Variants in MYBPC2 observed in about 807,000 individuals in gnomAD.
MYBPC2 encodes the protein myosin binding protein C2, also known as myosin-binding protein C, fast-type.
A neutral mutation model predicts 137.0 loss-of-function variants in MYBPC2; 122 were observed. The observed-to-expected ratio is 0.89, with a 90% CI of 0.77 to 1.03. MYBPC2 has a LOEUF of 1.03. MYBPC2 is among the 50% of genes least tolerant of loss of function. The pLI is 0.00. For synonymous variants in MYBPC2, 626 were observed against 612.3 expected (o/e 1.02, Z -0.33); for missense variants, 1,500 against 1,534.4 (o/e 0.98, Z 0.37).
rs545505488 is a variant in MYBPC2, at chr19:50,460,093, G to A, written c.2845G>A (p.Ala949Thr). The A allele has an allele frequency of 6.1e-5, 96 of 1,576,558 alleles. No individual in the cohort carries two copies. Among genetic ancestry groups the A allele is most frequent in the Non-Finnish European group, 7.1e-5 (83 of 1,161,514 alleles). ...VMVKEVWGTN[A>T]LVEWQAPKDD... ...GGTGAAGGAGGTGTGGGGCACGAAC[G>A]CGCTGGTGGAGTGGCAGGCCCCCAA... The change falls in exon 24 of 28, where the codon GCG (alanine) becomes ACG (threonine). Residue 949 changes from alanine (A) to threonine (T), a missense_variant. By Grantham distance (58) the Ala-to-Thr change is moderately conservative. Transcript: ENST00000357701.
chr19:50,459,426 T>TAA lies in MYBPC2; in HGVS notation c.2791+120_2791+121insAA. The TAA allele has an allele frequency of 3.4e-6, 3 of 873,498 alleles. No individual in the cohort carries two copies. The South Asian group carries it at 5.9e-5, about 17-fold the overall frequency. 54.1% of individuals were successfully genotyped at this position (873,498 alleles called of 1,614,324 possible). ...GGGAGATGAAGGGTGGGAGAGGAGGTGAGATGAGGGATGGGAGAGGAGGTG... is the reference window on the plus strand; with the variant it reads ...GGGAGATGAAGGGTGGGAGAGGAGGTAAGAGATGAGGGATGGGAGAGGAGGTG... On this transcript the variant is annotated intron_variant, in intron 23 of 27. Coordinates refer to ENST00000357701, the MANE Select transcript of MYBPC2 (RefSeq NM_004533.4).
chr19:50,453,070 T>C (rs1048951797), intron 16 of MYBPC2, among the ~76,000 whole-genome samples: 23 of 152,306 alleles, frequency 1.5e-4, no homozygotes, highest in Non-Finnish European at 2.6e-4. Flanking sequence ...CAACCATGAG[T>C]TGGATGCGGC....
rs144146636 is a variant in MYBPC2, at chr19:50,454,682, T to C, written c.2014+313T>C. On this transcript the variant is annotated intron_variant, in intron 18 of 27. Transcript: ENST00000357701. ...CCCAAGTGATCTGCCCACTTCAGAC[T>C]CCCAAAGTGCTGGGATTACAGGTGT... is the stretch of plus-strand genomic sequence containing the variant. 4.1e-3 allele frequency among the ~76,000 whole-genome samples: 618 copies of C among 152,152 alleles called. 5 individuals carry two copies. The highest frequency in any genetic ancestry group is 0.014 in the African/African-American group (593 of 41,510).
Position 50,465,041 on chromosome 19 carries a change from C to T in MYBPC2, c.3415+509C>T, listed in dbSNP as rs1221005592. Among the ~76,000 whole-genome samples, 1 of 152,048 alleles carries T rather than the reference C, an allele frequency of 6.6e-6. No individual in the cohort carries two copies. The highest frequency in any genetic ancestry group is 2.4e-5 in the African/African-American group (1 of 41,402). On this transcript the variant is annotated intron_variant, in intron 27 of 27. Coordinates refer to ENST00000357701, the MANE Select transcript of MYBPC2 (RefSeq NM_004533.4). The surrounding 1 kb of genome is among the most constrained non-coding windows in gnomAD (Gnocchi z 4.5). ...GCTACATCCTCTTCCTCCCATATTC[C>T]ATTTCCAGCCGCCTCCGTCTCCAGT...
rs575573877 is a variant in MYBPC2 at position 50,461,634 on chromosome 19, C to G, written c.3024C>G (p.Thr1008=). The part of the protein sequence containing the change: ...VGNEYYFRVY[T]ENICGLSDSP... ...ATGAATACTATTTCCGAGTTTACACCGAGAACATCTGTGGGCTCAGTGACT... is the reference window on the plus strand; with the variant it reads ...ATGAATACTATTTCCGAGTTTACACGGAGAACATCTGTGGGCTCAGTGACT... Residue 1008 remains threonine, a synonymous_variant, in exon 25 of 28, where the codon ACC becomes ACG. Coordinates refer to ENST00000357701, the MANE Select transcript of MYBPC2 (RefSeq NM_004533.4). The G allele has an allele frequency of 7.4e-6, 12 of 1,613,486 alleles. No homozygotes were observed. The East Asian group carries it at 8.9e-5, about 12-fold the overall frequency.
In MYBPC2 at chr19:50,435,356, C is replaced by G. The variant is rs957974811; in HGVS notation, c.109+106C>G. The G allele has an allele frequency of 1.5e-6, 1 of 685,068 alleles. No individual in the cohort carries two copies. The highest frequency in any genetic ancestry group is 1.8e-5 in the African/African-American group (1 of 54,962). The allele number at this position is 685,068 out of a possible 1,614,324, so 42.4% of individuals were successfully genotyped here. A position where few individuals can be genotyped will look rare whatever the true frequency, so the allele number is the denominator to read the frequency against. ...CAGCCTCTATCCTTGAATCTGTCCC[C>G]GCACAGCCCCAGGGCTGACCCACGC... On this transcript the variant is annotated intron_variant, in intron 2 of 27. Coordinates refer to ENST00000357701, the MANE Select transcript of MYBPC2 (RefSeq NM_004533.4). This position sits in a 1 kb window ranked among gnomAD's most constrained non-coding sequence, Gnocchi z 4.8.
intron 23 of MYBPC2, 70 bp from the exon 24 acceptor site, chr19:50,459,970 G>A: frequency 6.5e-7 from 1 of 1,537,376 alleles, no homozygotes; most frequent in Admixed American, 2.0e-5. Context: ...GGGGTGTGGA[G>A]AGGGGAGGGG....
At chr19:50,463,671 G>A (rs375110686) in intron 26 of MYBPC2, among the ~76,000 whole-genome samples, 38 of 152,258 alleles carry the variant, frequency 2.5e-4, no homozygotes, top group African/African-American at 8.9e-4. Flanking sequence ...AGACACGGTG[G>A]CTCACACCTG....
At chr19:50,453,870 T>G in intron 16 of MYBPC2, 150 bp from the exon 17 acceptor site, 2 of 872,318 alleles carry the variant, frequency 2.3e-6, no homozygotes, top group Non-Finnish European at 3.4e-6. Flanking sequence ...AGGACGGCAT[T>G]TGGAGGGCGA....
Position 50,435,881 on chromosome 19 carries a change from A to T in MYBPC2, c.196+19A>T. 1.9e-6 allele frequency: 3 copies of T among 1,570,762 alleles called. No individual in the cohort carries two copies. Among genetic ancestry groups the T allele is most frequent in the Non-Finnish European group, 1.7e-6 (2 of 1,156,480 alleles). ...GAGACTGGTGAGGGGAACCCGGGGG[A>T]GGAGGGGCTGCGGCCCGGACTCCTG... On this transcript the variant is annotated intron_variant, in intron 3 of 27. Transcript: ENST00000357701. The surrounding 1 kb of genome is among the most constrained non-coding windows in gnomAD (Gnocchi z 4.8).
At chr19:50,450,350 G>A (rs1310861787) in intron 13 of MYBPC2, among the ~76,000 whole-genome samples, 1 of 151,964 alleles carries the variant, frequency 6.6e-6, no homozygotes, top group Non-Finnish European at 1.5e-5. Context: ...CCTTGACCTG[G>A]GCTGGAGCAA....
intron 26 of MYBPC2, among the ~76,000 whole-genome samples, chr19:50,462,600 T>TC (rs2039981855): frequency 6.6e-6 from 1 of 151,464 alleles, no homozygotes; most frequent in Non-Finnish European, 1.5e-5. Flanking sequence ...TTCTTTCTTT[T>TC]TTTTTCTTTC....
At position 50,464,513 on chromosome 19, in the gene MYBPC2, G is replaced by A. The variant is rs2039997953; in HGVS notation, c.3396G>A (p.Glu1132=). 1 of 1,610,360 alleles carries A rather than the reference G, an allele frequency of 6.2e-7. No individual in the cohort carries two copies. Among genetic ancestry groups the A allele is most frequent in the African/African-American group, 1.3e-5 (1 of 75,034 alleles). ...AVNELGEALA[E]CKLEVRVPQ Reference sequence around the variant, plus strand: ...ACGAGCTGGGCGAGGCGCTGGCTGAGTGCAAGCTGGAGGTCCGAGGTGAGG... The same window carrying A: ...ACGAGCTGGGCGAGGCGCTGGCTGAATGCAAGCTGGAGGTCCGAGGTGAGG... The change falls in exon 27 of 28, where the codon GAG becomes GAA. Residue 1132 remains glutamate, a synonymous_variant. Transcript: ENST00000357701.
At position 50,450,951 on chromosome 19, in the gene MYBPC2, C is replaced by T; in HGVS notation, c.1579+16C>T. ...AACTTCCTGGGTGAGGATGCCCCTT[C>T]CTCCTTCCCTGGGGGCTGTAGGATC... On this transcript the variant is annotated intron_variant, in intron 14 of 27. Transcript: ENST00000357701. The T allele has an allele frequency of 6.4e-7, 1 of 1,552,850 alleles. No individual in the cohort carries two copies. Among genetic ancestry groups the T allele is most frequent in the Non-Finnish European group, 8.7e-7 (1 of 1,147,124 alleles).
chr19:50,463,014 T>C (rs948826891), intron 26 of MYBPC2, among the ~76,000 whole-genome samples: 5 of 152,156 alleles, frequency 3.3e-5, no homozygotes, highest in African/African-American at 1.2e-4. Flanking sequence ...CTCCCCAGGG[T>C]CTTCCTGTCC....
intron 27 of MYBPC2, among the ~76,000 whole-genome samples, chr19:50,464,798 C>A (rs1327057102): frequency 6.6e-6 from 1 of 152,140 alleles, no homozygotes; most frequent in African/African-American, 2.4e-5. Context: ...GTGAGAAGGG[C>A]TTAGGAAACG....
chr19:50,437,704 C>A lies in MYBPC2; in HGVS notation c.558C>A (p.Gly186=). The A allele has an allele frequency of 6.2e-7, 1 of 1,603,756 alleles. No individual in the cohort carries two copies. The highest frequency in any genetic ancestry group is 8.5e-7 in the Non-Finnish European group (1 of 1,175,082). The change falls in exon 7 of 28, where the codon GGC becomes GGA. Residue 186 remains glycine (G), a synonymous_variant. Transcript: ENST00000357701. ...CTGCAGGTGAGCTGGATTTCAGTGG[C>A]CTGTTGAAGAAGAGGTGAGCCCCGG... ...SDTAGELDFS[G]LLKKREVVEE...
chr19:50,461,143 A>C (rs753636902), intron 24 of MYBPC2, among the ~76,000 whole-genome samples: 1 of 151,818 alleles, frequency 6.6e-6, no homozygotes, highest in Non-Finnish European at 1.5e-5. Context: ...AGCTGGGACT[A>C]CAGGTGCTGG....
intron 24 of MYBPC2, 85 bp from the exon 25 acceptor site, chr19:50,461,457 C>G: frequency 1.4e-6 from 2 of 1,391,720 alleles, no homozygotes; most frequent in Non-Finnish European, 2.0e-6. Flanking sequence ...GTGCTTTTCT[C>G]ACCCCTTCTT....
Sources: allele counts gnomAD v4.1 joint callset (sites outside exome capture counted in the v4.1 genomes callset), GRCh38; gene constraint gnomAD v4.1.1; non-coding constraint Gnocchi (gnomAD v3.1); transcripts MANE v1.5; gene names NCBI Gene and HGNC (gene_info 2026-07-23, HGNC 2026-07-21).